DHX35: variants seen among roughly 807,000 people sequenced by gnomAD.
The protein encoded by DHX35 is DEAH-box helicase 35, also known as probable ATP-dependent RNA helicase DHX35.
A neutral mutation model predicts 99.6 loss-of-function variants in DHX35; 84 were observed. That is an observed-to-expected ratio of 0.84 (90% CI 0.71 to 1.01). The LOEUF is 1.01. Among genes scored for constraint, DHX35 ranks in the 50% least tolerant of loss-of-function variants. The probability of loss-of-function intolerance (pLI) is 0.00; values close to 1 mark genes in which losing one functional copy is unlikely to be tolerated. For missense variants in DHX35, 852 were observed against 888.5 expected, an observed-to-expected ratio of 0.96 and a Z score of 0.52; for synonymous variants, 331 against 316.2, an observed-to-expected ratio of 1.05 and a Z score of -0.50.
intron 7 of DHX35, among the ~76,000 whole-genome samples, chr20:38,993,533 T>G (rs2086374320): frequency 6.6e-6 from 1 of 152,174 alleles, no homozygotes; most frequent in Non-Finnish European, 1.5e-5. Flanking sequence ...GCTAATTTTG[T>G]ATTTTTAGTA....
At chr20:39,006,051 A>C in intron 11 of DHX35, 95 bp from the exon 12 acceptor site, 1 of 1,384,968 alleles carries the variant, frequency 7.2e-7, no homozygotes, top group Non-Finnish European at 1.0e-6. Flanking sequence ...AGATTCTGCA[A>C]TGTTGGAAAT....
chr20:38,994,748 A>G (rs2086399899), intron 7 of DHX35, 73 bp from the exon 8 acceptor site: 2 of 1,313,830 alleles, frequency 1.5e-6, no homozygotes, highest in Admixed American at 3.7e-5. Flanking sequence ...TTTGAAATAC[A>G]TTTCAGATAT....
intron 13 of DHX35, among the ~76,000 whole-genome samples, chr20:39,012,779 C>T (rs978748068): frequency 1.3e-5 from 2 of 152,190 alleles, no homozygotes; most frequent in Non-Finnish European, 2.9e-5. Flanking sequence ...GATCTGCCCA[C>T]CTTGGCCTCC....
chr20:39,021,991 C>A (rs1023664442), intron 16 of DHX35, 56 bp downstream of exon 16: 5 of 1,562,836 alleles, frequency 3.2e-6, no homozygotes, highest in Non-Finnish European at 4.4e-6. Flanking sequence ...TTTGAGCTTT[C>A]GTTGTCAAAA....
At chr20:38,997,504 A>G (rs1326305204) in intron 8 of DHX35, among the ~76,000 whole-genome samples, 1 of 152,094 alleles carries the variant, frequency 6.6e-6, no homozygotes, top group South Asian at 2.1e-4. Context: ...TCTGGAAGCA[A>G]TTTTGTAAGC....
intron 13 of DHX35, among the ~76,000 whole-genome samples, chr20:39,011,479 G>T (rs1160222458): frequency 1.3e-5 from 2 of 152,108 alleles, no homozygotes; most frequent in Non-Finnish European, 2.9e-5. Context: ...GGGATTACAG[G>T]TGTGTGCCAC....
At chr20:39,025,400 A>G in intron 18 of DHX35, 41 bp downstream of exon 18, 1 of 1,603,050 alleles carries the variant, frequency 6.2e-7, no homozygotes, top group Non-Finnish European at 8.5e-7. Context: ...CCCTTGCTTC[A>G]TTCTGTTGAG....
intron 8 of DHX35, among the ~76,000 whole-genome samples, chr20:38,999,407 CT>C (rs949840806): frequency 6.6e-6 from 1 of 152,118 alleles, no homozygotes; most frequent in African/African-American, 2.4e-5. Flanking sequence ...AGCCTTCGTG[CT>C]TGTGGCAGTC....
chr20:39,001,877 T>C, intron 9 of DHX35, 35 bp downstream of exon 9: 2 of 1,505,958 alleles, frequency 1.3e-6, no homozygotes, highest in South Asian at 1.2e-5. Context: ...TGATGGTGTT[T>C]AGAAAACTCA....
chr20:38,970,782 C>T (rs1482131764), intron 2 of DHX35, among the ~76,000 whole-genome samples: 1 of 151,318 alleles, frequency 6.6e-6, no homozygotes, highest in Non-Finnish European at 1.5e-5. Flanking sequence ...AAATTTTGGC[C>T]TTTTCTTGAC....
chr20:38,991,586 TTAG>T, intron 6 of DHX35, 71 bp downstream of exon 6: 1 of 1,397,062 alleles, frequency 7.2e-7, no homozygotes, highest in Non-Finnish European at 1.0e-6. Context: ...AGCAGGTGTG[TTAG>T]TAGCTGGGAT....
rs541087815 is a variant in DHX35, at chr20:38,991,433, C to G, written c.451-21C>G. ...TAGTGTAAGTGAATTATTTCTAAAG[C>G]TTTGTGTTTTTATTTTTTAGTTTCT... On this transcript the variant is annotated intron_variant, in intron 5 of 21. Coordinates refer to ENST00000252011, the MANE Select transcript of DHX35 (RefSeq NM_021931.4). 9.3e-6 allele frequency: 15 copies of G among 1,606,794 alleles called. No individual in the cohort carries two copies. The South Asian group carries it at 1.6e-4, about 17-fold the overall frequency.
chr20:39,036,350 C>T lies in DHX35; in HGVS notation c.2067+2033C>T, dbSNP rs539594937. ...AAATTTCTTCATTTGTCTCTTCTCT[C>T]CAAATGGCTTTTTTATTTTTAAGCT... is the stretch of plus-strand genomic sequence containing the variant. On this transcript the variant is annotated intron_variant, in intron 21 of 21. Transcript: ENST00000252011. 5.9e-5 allele frequency among the ~76,000 whole-genome samples: 9 copies of T among 152,296 alleles called. No homozygotes were observed. In the South Asian group the frequency reaches 1.9e-3, roughly 32 times the overall value.
intron 2 of DHX35, among the ~76,000 whole-genome samples, chr20:38,972,333 T>C (rs200153964): frequency 2.0e-5 from 3 of 151,904 alleles, no homozygotes; most frequent in Non-Finnish European, 2.9e-5. Context: ...TAAGTGAAAA[T>C]GTAAAGGGCG....
At chr20:38,999,869 G>A (rs981317294) in intron 8 of DHX35, among the ~76,000 whole-genome samples, 3 of 152,192 alleles carry the variant, frequency 2.0e-5, no homozygotes, top group African/African-American at 4.8e-5. Context: ...CGAATAAAGT[G>A]CCAGTGCAGC....
At chr20:38,981,930 C>T (rs545462224) in intron 3 of DHX35, among the ~76,000 whole-genome samples, 5 of 133,152 alleles carry the variant, frequency 3.8e-5, no homozygotes, top group Admixed American at 8.5e-5. Context: ...GGCAACAGAG[C>T]GAGACTCTGT....
intron 7 of DHX35, among the ~76,000 whole-genome samples, chr20:38,993,865 T>C (rs1421426279): frequency 6.6e-6 from 1 of 152,136 alleles, no homozygotes; most frequent in East Asian, 1.9e-4. Context: ...CAAAAAACTT[T>C]TAGGTTGGTG....
intron 6 of DHX35, 130 bp from the exon 7 acceptor site, chr20:38,992,226 G>C (rs947369794): frequency 1.5e-6 from 1 of 677,884 alleles, no homozygotes; most frequent in Non-Finnish European, 2.5e-6. Context: ...TCAAAGAAGA[G>C]TGACTTAGGT....
At chr20:38,976,435 ACTTATT>A (rs1370534400) in intron 3 of DHX35, among the ~76,000 whole-genome samples, 13 of 99,454 alleles carry the variant, frequency 1.3e-4, no homozygotes, top group Admixed American at 2.0e-4. Context: ...TTTTTTTTTT[ACTTATT>A]CTTTCATTTT....
Sources: allele counts gnomAD v4.1 joint callset (sites outside exome capture counted in the v4.1 genomes callset), GRCh38; gene constraint gnomAD v4.1.1; transcripts MANE v1.5; gene names NCBI Gene and HGNC (gene_info 2026-07-23, HGNC 2026-07-21).